Variants in FAT3 observed in about 807,000 individuals in gnomAD.
FAT3 encodes FAT atypical cadherin 3, also known as protocadherin Fat 3.
A neutral mutation model predicts 310.2 loss-of-function variants in FAT3; 95 were observed. That is an observed-to-expected ratio of 0.31 (90% CI 0.26 to 0.36). The LOEUF (loss-of-function observed/expected upper bound fraction) is 0.36. Among genes scored for constraint, FAT3 ranks in the 10% least tolerant of loss-of-function variants. FAT3 has a pLI of 1.00. For missense variants in FAT3, 5,408 were observed against 5,715.6 expected (o/e 0.95, Z 1.74); for synonymous variants, 2,314 against 2,192.9 (o/e 1.06, Z -1.54).
At chr11:92,489,393 C>T (rs114717166) in intron 2 of FAT3, among the ~76,000 whole-genome samples, 279 of 152,156 alleles carry the variant, frequency 1.8e-3, no homozygotes, top group African/African-American at 6.4e-3. Flanking sequence ...ATGCACTTTC[C>T]TCTGTATTTA....
intron 2 of FAT3, among the ~76,000 whole-genome samples, chr11:92,510,277 G>A (rs959010978): frequency 3.3e-5 from 5 of 152,062 alleles, no homozygotes; most frequent in African/African-American, 1.2e-4. Flanking sequence ...TTCTCTGAGG[G>A]TGTTTTTTCC....
intron 7 of FAT3, among the ~76,000 whole-genome samples, chr11:92,786,502 T>G (rs567048816): frequency 1.3e-5 from 2 of 152,192 alleles, no homozygotes; most frequent in East Asian, 3.9e-4. Context: ...GAAAAGTTTC[T>G]CCAACCTCAC....
intron 2 of FAT3, among the ~76,000 whole-genome samples, chr11:92,442,972 C>G (rs1181955028): frequency 6.6e-6 from 1 of 152,152 alleles, no homozygotes; most frequent in Non-Finnish European, 1.5e-5. Context: ...ATGTAAACCC[C>G]TTTAACAATT....
intron 3 of FAT3, among the ~76,000 whole-genome samples, chr11:92,653,440 T>C (rs1291312513): frequency 6.6e-6 from 1 of 152,078 alleles, no homozygotes; most frequent in Non-Finnish European, 1.5e-5. Context: ...ATAGATAAGC[T>C]CCTTGAGATG....
In FAT3 at chr11:92,524,935, C is replaced by T. The variant is rs763292295; in HGVS notation, c.3594C>T (p.Ile1198=). ...GAAATCCTCAGAATTTTTTTGCCAT[C>T]AATATCAAAACAGGTAAGGGAATGC... ...TSGNPQNFFA[I]NIKTGLITTT... The change falls in exon 3 of 28, where the codon ATC becomes ATT. Residue 1198 remains isoleucine (I), a synonymous_variant. Coordinates refer to ENST00000525166, the MANE Select transcript of FAT3 (RefSeq NM_001367949.2). 1.2e-6 allele frequency: 2 copies of T among 1,613,316 alleles called. No homozygotes were observed. The highest frequency in any genetic ancestry group is 4.5e-5 in the East Asian group (2 of 44,870).
chr11:92,879,520 C>G lies in FAT3; in HGVS notation c.12128-1211C>G, dbSNP rs80203735. The stretch of plus-strand genomic sequence containing the variant: ...GAAATAAGCAAGCAAAAACACTGGA[C>G]ATTTTTTAACTCCAGGGAAAACCAG... On this transcript the variant is annotated intron_variant, in intron 22 of 27. Coordinates refer to ENST00000525166, the MANE Select transcript of FAT3 (RefSeq NM_001367949.2). Among the ~76,000 whole-genome samples, 634 of 152,308 alleles carry G rather than the reference C, an allele frequency of 4.2e-3. 5 individuals carry two copies. Among genetic ancestry groups the G allele is most frequent in the African/African-American group, 0.014 (587 of 41,566 alleles).
intron 22 of FAT3, among the ~76,000 whole-genome samples, chr11:92,868,119 A>G (rs1055312540): frequency 6.6e-6 from 1 of 152,214 alleles, no homozygotes; most frequent in Non-Finnish European, 1.5e-5. Flanking sequence ...GTCCCTTTGC[A>G]GAGTCGCTCA....
chr11:92,885,009 C>T (rs1949765809), intron 24 of FAT3, among the ~76,000 whole-genome samples: 1 of 152,116 alleles, frequency 6.6e-6, no homozygotes. Flanking sequence ...GGAGAGGACC[C>T]TTGTGCAGAA....
chr11:92,474,758 T>G (rs1952004414), intron 2 of FAT3, among the ~76,000 whole-genome samples: 1 of 152,060 alleles, frequency 6.6e-6, no homozygotes, highest in Non-Finnish European at 1.5e-5. Flanking sequence ...GAGTGTTTCT[T>G]TGGATTTAGG....
intron 3 of FAT3, among the ~76,000 whole-genome samples, chr11:92,676,660 A>C (rs1943298584): frequency 6.6e-6 from 1 of 152,208 alleles, no homozygotes; most frequent in Non-Finnish European, 1.5e-5. Context: ...GATTGAGAAG[A>C]AGTGGATCTT....
rs746851417 is a variant in FAT3 at position 92,718,448 on chromosome 11, G to C, written c.3669+21003G>C. On this transcript the variant is annotated intron_variant, in intron 4 of 27. Coordinates refer to ENST00000525166, the MANE Select transcript of FAT3 (RefSeq NM_001367949.2). ...TTTGACCTTCCAGCTAGCACCAAAGGAGGAAGTACCTGGGGTTTCTTAATG... is the reference window on the plus strand; with the variant it reads ...TTTGACCTTCCAGCTAGCACCAAAGCAGGAAGTACCTGGGGTTTCTTAATG... Among the ~76,000 whole-genome samples the C allele has an allele frequency of 6.6e-4, 101 of 152,178 alleles. 1 individual carries two copies. The highest frequency in any genetic ancestry group is 4.6e-3 in the Admixed American group (70 of 15,278).
At chr11:92,343,861 C>G (rs553380996) in intron 1 of FAT3, among the ~76,000 whole-genome samples, 1 of 152,046 alleles carries the variant, frequency 6.6e-6, no homozygotes, top group African/African-American at 2.4e-5. Flanking sequence ...TTGATTATAC[C>G]TCACTTCCAA....
In FAT3 at chr11:92,478,948, CTTTCTTTTCT is replaced by C. The variant is rs113372595; in HGVS notation, c.3293-45648_3293-45639del. Among the ~76,000 whole-genome samples, 805 of 113,124 alleles carry C rather than the reference CTTTCTTTTCT, an allele frequency of 7.1e-3. 9 individuals are homozygous for C. The highest frequency in any genetic ancestry group is 0.011 in the African/African-American group (288 of 26,730). 74.2% of individuals were successfully genotyped at this position (113,124 alleles called of 152,430 possible). On this transcript the variant is annotated intron_variant, in intron 2 of 27. Coordinates refer to ENST00000525166, the MANE Select transcript of FAT3 (RefSeq NM_001367949.2). ...TTTCTTTCCTTCTCTTTCTTTCTTT[CTTTCTTTTCT>C]TTTCTTTTCTTTTCTTTTCTTTTCT...
chr11:92,516,914 C>T (rs1019140570), intron 2 of FAT3, among the ~76,000 whole-genome samples: 28 of 150,656 alleles, frequency 1.9e-4, no homozygotes, highest in African/African-American at 6.3e-4. Flanking sequence ...ATAAAATACA[C>T]AACTGACAAG....
chr11:92,227,743 TTTC>T (rs1341070686), intron 1 of FAT3, among the ~76,000 whole-genome samples: 4 of 118,728 alleles, frequency 3.4e-5, no homozygotes, highest in African/African-American at 5.9e-5. Context: ...GCTTTTTTTC[TTTC>T]TTCTTCTTTT....
chr11:92,230,145 T>C (rs559210079), intron 1 of FAT3, among the ~76,000 whole-genome samples: 3 of 152,318 alleles, frequency 2.0e-5, no homozygotes, highest in Non-Finnish European at 4.4e-5. Context: ...ATAGACTCTT[T>C]AATAAAGGAA....
Position 92,800,258 on chromosome 11 carries a change from T to C in FAT3, c.7245T>C (p.Cys2415=), listed in dbSNP as rs758174692. The part of the protein sequence containing the change: ...ELAPRGHFVT[C]VQASDADSSD... ...CCCCCCGGGGCCATTTTGTAACCTG[T>C]GTACAAGCCTCTGATGCAGACAGCT... The change falls in exon 10 of 28, where the codon TGT becomes TGC. Residue 2415 remains cysteine, a synonymous_variant. Transcript: ENST00000525166. 1.9e-6 allele frequency: 3 copies of C among 1,613,950 alleles called. No homozygotes were observed. In the Admixed American group the frequency reaches 5.0e-5, roughly 27 times the overall value.
intron 3 of FAT3, among the ~76,000 whole-genome samples, chr11:92,581,997 A>G (rs1359165427): frequency 1.3e-5 from 2 of 152,020 alleles, no homozygotes; most frequent in Non-Finnish European, 2.9e-5. Flanking sequence ...GCTCTTGGTT[A>G]CCCATTTTTA....
chr11:92,452,471 ATGTCT>A (rs1951381523), intron 2 of FAT3, among the ~76,000 whole-genome samples: 1 of 152,300 alleles, frequency 6.6e-6, no homozygotes, highest in Non-Finnish European at 1.5e-5. Flanking sequence ...GGACATCATA[ATGTCT>A]TGCCACTGGG....
Sources: gnomAD v4.1 joint callset for allele counts (sites outside exome capture counted in the v4.1 genomes callset) on GRCh38, gnomAD v4.1.1 for gene constraint, MANE v1.5 for transcripts, NCBI Gene and HGNC (gene_info 2026-07-23, HGNC 2026-07-21) for gene names.